The following KHDRBS2 variants were observed in gnomAD, a reference collection of about 807,000 sequenced individuals.
KHDRBS2 encodes the protein KH domain-containing, RNA-binding, signal transduction-associated protein 2.
In KHDRBS2, 26 loss-of-function variants were observed where a neutral mutation model predicts 44.3. The ratio of observed to expected loss-of-function variants is 0.59; its 90% CI spans 0.43 to 0.81. The LOEUF (loss-of-function observed/expected upper bound fraction) is 0.81, where lower values mean the gene tolerates loss of function less well. Among genes scored for constraint, KHDRBS2 ranks in the 40% least tolerant of loss-of-function variants. The probability of loss-of-function intolerance (pLI) is 0.00; values close to 1 mark genes in which losing one functional copy is unlikely to be tolerated. For missense variants in KHDRBS2, 476 were observed against 433.1 expected (o/e 1.10, Z -0.88); for synonymous variants, 194 against 151.1 (o/e 1.28, Z -2.08).
intron 1 of KHDRBS2, among the ~76,000 whole-genome samples, chr6:62,223,706 T>C (rs1421357133): frequency 6.6e-6 from 1 of 152,104 alleles, no homozygotes; most frequent in Non-Finnish European, 1.5e-5. Context: ...CCCTAAATCA[T>C]CTCTCCCAAG....
intron 8 of KHDRBS2, among the ~76,000 whole-genome samples, chr6:61,684,128 T>C (rs1403971836): frequency 6.6e-6 from 1 of 151,948 alleles, no homozygotes; most frequent in Non-Finnish European, 1.5e-5. Context: ...CACATGATAA[T>C]GCACGTCAGT....
chr6:61,733,950 C>T (rs1269434521), intron 6 of KHDRBS2, among the ~76,000 whole-genome samples: 7 of 152,120 alleles, frequency 4.6e-5, no homozygotes, highest in Non-Finnish European at 8.8e-5. Context: ...AAATTCTTTT[C>T]AGTCTGGAGG....
the KHDRBS2 span, among the ~76,000 whole-genome samples, chr6:61,596,518 C>T: frequency 2.7e-3 from 405 of 152,276 alleles, 3 homozygotes; most frequent in African/African-American, 9.4e-3. Context: ...GGATAAGATT[C>T]TTTACTTGCC....
intron 1 of KHDRBS2, among the ~76,000 whole-genome samples, chr6:62,200,716 G>T (rs879847321): frequency 2.0e-5 from 3 of 152,036 alleles, no homozygotes; most frequent in Non-Finnish European, 2.9e-5. Flanking sequence ...ACCATTTGAC[G>T]CAGCCATCCC....
At chr6:62,210,282 A>G (rs1429745199) in intron 1 of KHDRBS2, among the ~76,000 whole-genome samples, 5 of 151,866 alleles carry the variant, frequency 3.3e-5, no homozygotes, top group African/African-American at 1.2e-4. Context: ...CACTTAACAC[A>G]TACTAGCTGC....
the KHDRBS2 span, among the ~76,000 whole-genome samples, chr6:61,655,481 C>G: frequency 2.6e-5 from 4 of 152,058 alleles, no homozygotes; most frequent in Admixed American, 2.0e-4. Flanking sequence ...TCTTGAACTC[C>G]TGACCTCAGG....
the KHDRBS2 span, among the ~76,000 whole-genome samples, chr6:61,670,757 G>A: frequency 6.6e-6 from 1 of 150,944 alleles, no homozygotes; most frequent in Admixed American, 6.7e-5. Context: ...TTATAGATAA[G>A]AAATCAAAAT....
chr6:62,084,578 T>A (rs1259196376), intron 2 of KHDRBS2, among the ~76,000 whole-genome samples: 2 of 152,214 alleles, frequency 1.3e-5, no homozygotes, highest in Non-Finnish European at 2.9e-5. Context: ...GAAAATTGTT[T>A]ATGGGGCTAT....
chr6:61,582,845 T>C, the KHDRBS2 span, among the ~76,000 whole-genome samples: 2 of 151,782 alleles, frequency 1.3e-5, no homozygotes, highest in African/African-American at 4.8e-5. Flanking sequence ...TTTTATGCAT[T>C]CTTGTATAAT....
At chr6:61,614,834 C>T in the KHDRBS2 span, among the ~76,000 whole-genome samples, 2 of 152,138 alleles carry the variant, frequency 1.3e-5, no homozygotes, top group African/African-American at 2.4e-5. Flanking sequence ...AACGTAAGAG[C>T]TCTATGACTT....
intron 2 of KHDRBS2, among the ~76,000 whole-genome samples, chr6:62,058,283 T>A (rs1447282807): frequency 6.6e-6 from 1 of 151,852 alleles, no homozygotes; most frequent in Non-Finnish European, 1.5e-5. Context: ...GCAGAGAGAA[T>A]TCTTCATTTT....
At chr6:62,210,125 T>C (rs1828772355) in intron 1 of KHDRBS2, among the ~76,000 whole-genome samples, 1 of 152,108 alleles carries the variant, frequency 6.6e-6, no homozygotes, top group Non-Finnish European at 1.5e-5. Flanking sequence ...ATTGAAAATA[T>C]CTGTGCTTTT....
chr6:62,064,652 A>C (rs1037974136), intron 2 of KHDRBS2, among the ~76,000 whole-genome samples: 1 of 151,916 alleles, frequency 6.6e-6, no homozygotes, highest in African/African-American at 2.4e-5. Flanking sequence ...AAAGATTTGA[A>C]CGTTAGACCT....
At chr6:61,827,702 A>G (rs568314493) in intron 6 of KHDRBS2, among the ~76,000 whole-genome samples, 156 of 151,874 alleles carry the variant, frequency 1.0e-3, no homozygotes, top group Non-Finnish European at 1.8e-3. Context: ...GTGTGGTCCG[A>G]CTCTGGTGAG....
At chr6:62,147,301 T>A (rs1269866757) in intron 2 of KHDRBS2, among the ~76,000 whole-genome samples, 1 of 151,874 alleles carries the variant, frequency 6.6e-6, no homozygotes, top group East Asian at 1.9e-4. Context: ...TCCCAGAAAA[T>A]GCTCTACTAA....
the KHDRBS2 span, among the ~76,000 whole-genome samples, chr6:61,596,952 A>G: frequency 6.6e-6 from 1 of 152,124 alleles, no homozygotes; most frequent in Non-Finnish European, 1.5e-5. Context: ...GCCCAGCCAC[A>G]TTTGTACTTC....
At chr6:62,260,745 T>C (rs752364948) in intron 1 of KHDRBS2, among the ~76,000 whole-genome samples, 1 of 151,974 alleles carries the variant, frequency 6.6e-6, no homozygotes, top group Non-Finnish European at 1.5e-5. Flanking sequence ...AATCTCCCTG[T>C]AGCAAGTTTA....
chr6:62,244,336 T>G (rs148422435), intron 1 of KHDRBS2, among the ~76,000 whole-genome samples: 1 of 152,252 alleles, frequency 6.6e-6, no homozygotes, highest in Non-Finnish European at 1.5e-5. Flanking sequence ...TGTTTTTAAA[T>G]GACTCTTCCC....
downstream of KHDRBS2, among the ~76,000 whole-genome samples, chr6:61,675,909 C>G (rs561718395): frequency 1.3e-5 from 2 of 151,830 alleles, no homozygotes; most frequent in Admixed American, 6.6e-5. Context: ...ATACAGATAA[C>G]TTTAAAATAT....
Sources: allele counts gnomAD v4.1 joint callset (sites outside exome capture counted in the v4.1 genomes callset), GRCh38; gene constraint gnomAD v4.1.1; transcripts MANE v1.5; gene names NCBI Gene and HGNC (gene_info 2026-07-23, HGNC 2026-07-21).